Variants in TRABD2B observed in about 807,000 individuals in gnomAD.
TRABD2B encodes the protein TraB domain containing 2B.
Under a neutral mutation model 40.1 loss-of-function variants are expected in TRABD2B, and 14 were observed. That is an observed-to-expected ratio of 0.35 (90% CI 0.23 to 0.55). The LOEUF is 0.55. Among genes scored for constraint, TRABD2B ranks in the 20% least tolerant of loss-of-function variants. TRABD2B has a pLI of 0.90. For synonymous variants in TRABD2B, 263 were observed against 277.0 expected (o/e 0.95, Z 0.50); for missense variants, 541 against 648.6 (o/e 0.83, Z 1.80).
intron 2 of TRABD2B, among the ~76,000 whole-genome samples, chr1:47,975,454 T>G (rs530313815): frequency 6.6e-6 from 1 of 152,364 alleles, no homozygotes; most frequent in East Asian, 1.9e-4. Context: ...AAGCACTGTC[T>G]GGGTCATACC....
chr1:47,814,606 C>T (rs1645005602), intron 2 of TRABD2B, among the ~76,000 whole-genome samples: 1 of 152,170 alleles, frequency 6.6e-6, no homozygotes, highest in Admixed American at 6.5e-5. Flanking sequence ...CTCTCCTTCC[C>T]CGACTTTTGA....
At chr1:47,969,525 G>C (rs303908) in intron 2 of TRABD2B, among the ~76,000 whole-genome samples, 7,428 of 152,198 alleles carry the variant, frequency 0.049, 604 homozygotes, top group African/African-American at 0.17. Flanking sequence ...AAAAGGCTGG[G>C]AGAGGTCCAT....
At chr1:47,894,126 G>A (rs1488346543) in intron 2 of TRABD2B, among the ~76,000 whole-genome samples, 1 of 152,108 alleles carries the variant, frequency 6.6e-6, no homozygotes, top group Non-Finnish European at 1.5e-5. Context: ...GTATGCTGGG[G>A]ATACAGTGAT....
intron 2 of TRABD2B, among the ~76,000 whole-genome samples, chr1:47,895,901 C>T (rs1048906791): frequency 2.6e-5 from 4 of 152,222 alleles, no homozygotes; most frequent in African/African-American, 7.2e-5. Flanking sequence ...CCCAGGCCTG[C>T]GCATATTCTC....
At chr1:47,978,758 C>T (rs531143872) in intron 2 of TRABD2B, among the ~76,000 whole-genome samples, 6 of 152,170 alleles carry the variant, frequency 3.9e-5, no homozygotes, top group Non-Finnish European at 8.8e-5. Flanking sequence ...CACTGCGGCC[C>T]TCTGACGTCC....
chr1:47,917,596 AT>A (rs1214013562), intron 2 of TRABD2B, among the ~76,000 whole-genome samples: 2 of 152,132 alleles, frequency 1.3e-5, no homozygotes, highest in South Asian at 4.1e-4. Flanking sequence ...GCATGGTGGC[AT>A]GTGCCATGTG....
intron 4 of TRABD2B, among the ~76,000 whole-genome samples, chr1:47,786,337 T>C (rs1644594416): frequency 6.6e-6 from 1 of 152,242 alleles, no homozygotes; most frequent in East Asian, 1.9e-4. Flanking sequence ...GATTTGTACA[T>C]TCTCCTTCAC....
chr1:47,937,703 G>C (rs991263055), intron 2 of TRABD2B, among the ~76,000 whole-genome samples: 1 of 152,050 alleles, frequency 6.6e-6, no homozygotes, highest in African/African-American at 2.4e-5. Context: ...TAAAGGAGTA[G>C]GGTTCATGGA....
At chr1:47,809,696 C>T (rs1056468640) in intron 2 of TRABD2B, among the ~76,000 whole-genome samples, 3 of 152,180 alleles carry the variant, frequency 2.0e-5, no homozygotes, top group Admixed American at 6.5e-5. Flanking sequence ...TTCAGTATTC[C>T]GAGTCTCCTA....
chr1:47,815,798 G>GAGAT (rs6143214), intron 2 of TRABD2B, among the ~76,000 whole-genome samples: 2,527 of 149,056 alleles, frequency 0.017, 47 homozygotes, highest in Admixed American at 0.056. Flanking sequence ...GATGGTGACA[G>GAGAT]AGATAGATAG....
At chr1:47,881,851 T>C (rs1368376859) in intron 2 of TRABD2B, among the ~76,000 whole-genome samples, 1 of 152,242 alleles carries the variant, frequency 6.6e-6, no homozygotes, top group Non-Finnish European at 1.5e-5. Context: ...TGGTGGCCCA[T>C]GCTTATTTGC....
At chr1:47,887,632 A>G (rs2124641235) in intron 2 of TRABD2B, among the ~76,000 whole-genome samples, 1 of 152,290 alleles carries the variant, frequency 6.6e-6, no homozygotes, top group South Asian at 2.1e-4. Flanking sequence ...TCTTAACCTG[A>G]GCAAAGCATG....
intron 2 of TRABD2B, among the ~76,000 whole-genome samples, chr1:47,983,119 G>A (rs985760628): frequency 1.3e-5 from 2 of 152,160 alleles, no homozygotes; most frequent in Non-Finnish European, 2.9e-5. Flanking sequence ...AGAAAATGTG[G>A]TACATACATG....
chr1:47,797,736 GGGAT>G (rs368564021), intron 3 of TRABD2B, among the ~76,000 whole-genome samples: 17 of 152,216 alleles, frequency 1.1e-4, no homozygotes, highest in African/African-American at 3.4e-4. Flanking sequence ...GGCCACGGCT[GGGAT>G]GGAAGCAAAT....
chr1:47,926,808 T>C (rs1644975437), intron 2 of TRABD2B, among the ~76,000 whole-genome samples: 1 of 152,192 alleles, frequency 6.6e-6, no homozygotes, highest in Admixed American at 6.5e-5. Flanking sequence ...CCCTACTCCC[T>C]TCCTCTCCAG....
chr1:47,828,555 CTCAGCAAA>C (rs1308162213), intron 2 of TRABD2B, among the ~76,000 whole-genome samples: 1 of 152,208 alleles, frequency 6.6e-6, no homozygotes, highest in African/African-American at 2.4e-5. Context: ...AGGAAAAATA[CTCAGCAAA>C]TGATTCCCTT....
In TRABD2B at chr1:47,770,374, G is replaced by C. The variant is rs903588270; in HGVS notation, c.1350-4268C>G. Among the ~76,000 whole-genome samples the C allele has an allele frequency of 3.9e-5, 6 of 152,208 alleles. No individual in the cohort carries two copies. In the South Asian group the frequency reaches 1.2e-3, roughly 32 times the overall value. On this transcript the variant is annotated intron_variant, in intron 6 of 6. Transcript: ENST00000606738. Reference sequence around the variant, plus strand: ...GGTATCTAGGACTTTGTGATATCTAGGGCTCCTCCCGCCTCCACACCTTTG... The same window carrying C: ...GGTATCTAGGACTTTGTGATATCTACGGCTCCTCCCGCCTCCACACCTTTG...
chr1:47,936,334 T>C (rs1645106246), intron 2 of TRABD2B, among the ~76,000 whole-genome samples: 1 of 152,050 alleles, frequency 6.6e-6, no homozygotes, highest in Non-Finnish European at 1.5e-5. Context: ...TGGAAAGAGA[T>C]GGGTAAAATC....
chr1:47,791,100 T>C (rs1311363378), intron 4 of TRABD2B, among the ~76,000 whole-genome samples: 1 of 152,152 alleles, frequency 6.6e-6, no homozygotes. Context: ...GCACTGGAAA[T>C]CCCTGTCTGT....
Sources: gnomAD v4.1 joint callset for allele counts (sites outside exome capture counted in the v4.1 genomes callset) on GRCh38, gnomAD v4.1.1 for gene constraint, MANE v1.5 for transcripts, NCBI Gene and HGNC (gene_info 2026-07-23, HGNC 2026-07-21) for gene names.